Variants in KIAA1549L observed in about 807,000 individuals in gnomAD.
KIAA1549L encodes the protein KIAA1549 like, also known as UPF0606 protein KIAA1549L.
Under a neutral mutation model 160.7 loss-of-function variants are expected in KIAA1549L, and 88 were observed. The ratio of observed to expected loss-of-function variants is 0.55; its 90% CI spans 0.46 to 0.65. The LOEUF is 0.65. Ranked by LOEUF, KIAA1549L falls within the 30% of genes least tolerant of loss-of-function variation. The pLI, the probability that KIAA1549L is intolerant of heterozygous loss-of-function variation, is 0.00. For missense variants in KIAA1549L, 2,258 were observed against 2,437.5 expected (o/e 0.93, Z 1.55); for synonymous variants, 950 against 976.7 (o/e 0.97, Z 0.51).
At chr11:33,576,888 A>T (rs1372589953) in intron 10 of KIAA1549L, among the ~76,000 whole-genome samples, 1 of 152,204 alleles carries the variant, frequency 6.6e-6, no homozygotes, top group Non-Finnish European at 1.5e-5. Flanking sequence ...TGAGATGTCT[A>T]CTAGACATCC....
chr11:33,485,596 G>A (rs986027475), intron 1 of KIAA1549L, among the ~76,000 whole-genome samples: 3 of 151,998 alleles, frequency 2.0e-5, no homozygotes, highest in African/African-American at 7.3e-5. Context: ...ACTAGATAAA[G>A]CTAATTAACA....
chr11:33,407,129 G>C (rs1209078250), intron 1 of KIAA1549L, among the ~76,000 whole-genome samples: 1 of 124,702 alleles, frequency 8.0e-6, no homozygotes, highest in South Asian at 2.4e-4. Flanking sequence ...CTGTCGTCCA[G>C]GCTGGAGTGC....
At chr11:33,411,493 G>C (rs1850784728) in intron 1 of KIAA1549L, among the ~76,000 whole-genome samples, 1 of 152,214 alleles carries the variant, frequency 6.6e-6, no homozygotes, top group African/African-American at 2.4e-5. Context: ...TGAGGCGGTG[G>C]TGGTTATTTT....
chr11:33,564,565 A>G (rs1304725253), intron 8 of KIAA1549L, among the ~76,000 whole-genome samples: 2 of 152,360 alleles, frequency 1.3e-5, no homozygotes, highest in South Asian at 2.1e-4. Flanking sequence ...TGAAGTTTGT[A>G]TATGTGAGGC....
chr11:33,592,410 A>C (rs1319425401), intron 12 of KIAA1549L, among the ~76,000 whole-genome samples: 1 of 152,230 alleles, frequency 6.6e-6, no homozygotes, highest in African/African-American at 2.4e-5. Context: ...CAATAGCCTT[A>C]TAAAGAGGTA....
intron 19 of KIAA1549L, among the ~76,000 whole-genome samples, chr11:33,660,353 G>A (rs1049968884): frequency 3.3e-5 from 5 of 152,106 alleles, no homozygotes; most frequent in Non-Finnish European, 7.4e-5. Flanking sequence ...CGAGGCAGGC[G>A]GATCACAAGG....
At chr11:33,550,693 C>T (rs1854429957) in intron 4 of KIAA1549L, among the ~76,000 whole-genome samples, 1 of 152,110 alleles carries the variant, frequency 6.6e-6, no homozygotes, top group Non-Finnish European at 1.5e-5. Flanking sequence ...GTGATTTTCC[C>T]CAGCATTTCA....
At chr11:33,600,934 G>C (rs1003937622) in intron 13 of KIAA1549L, among the ~76,000 whole-genome samples, 5 of 151,902 alleles carry the variant, frequency 3.3e-5, no homozygotes, top group African/African-American at 1.2e-4. Flanking sequence ...TCCTGACCCC[G>C]TCACTCCCCA....
chr11:33,604,643 C>T (rs1421601167), intron 13 of KIAA1549L, among the ~76,000 whole-genome samples: 3 of 152,168 alleles, frequency 2.0e-5, no homozygotes, highest in Non-Finnish European at 4.4e-5. Flanking sequence ...GAAATAATGT[C>T]TTTTGCAGCA....
intron 10 of KIAA1549L, among the ~76,000 whole-genome samples, chr11:33,579,372 C>T (rs1855560840): frequency 6.6e-6 from 1 of 152,192 alleles, no homozygotes; most frequent in Admixed American, 6.5e-5. Context: ...AAACTCCACA[C>T]AGCTCAAACA....
intron 1 of KIAA1549L, among the ~76,000 whole-genome samples, chr11:33,409,366 A>T (rs1194896478): frequency 6.6e-6 from 1 of 152,198 alleles, no homozygotes; most frequent in Non-Finnish European, 1.5e-5. Context: ...ACAATAACAG[A>T]TGACATTTGC....
intron 1 of KIAA1549L, among the ~76,000 whole-genome samples, chr11:33,437,827 A>C (rs1477212793): frequency 6.6e-6 from 1 of 152,160 alleles, no homozygotes; most frequent in Non-Finnish European, 1.5e-5. Flanking sequence ...TGGGAAGTCA[A>C]CCTGCAGCTC....
chr11:33,403,208 C>CAGACACAGACACACATGG (rs1850538914), intron 1 of KIAA1549L: 3 of 126,574 alleles, frequency 2.4e-5, no homozygotes, highest in African/African-American at 6.1e-5. Flanking sequence ...CAGACACACG[C>CAGACACAGACACACATGG]ACCCACACAT....
chr11:33,622,983 C>A (rs552364708), intron 16 of KIAA1549L, among the ~76,000 whole-genome samples: 1 of 152,176 alleles, frequency 6.6e-6, no homozygotes, highest in Non-Finnish European at 1.5e-5. Flanking sequence ...GGAATTGAAA[C>A]GGTTGTTTTG....
intron 1 of KIAA1549L, among the ~76,000 whole-genome samples, chr11:33,446,475 A>C (rs995986137): frequency 3.3e-5 from 5 of 151,980 alleles, no homozygotes; most frequent in Admixed American, 3.3e-4. Context: ...CTTCCTTTGT[A>C]ACAAATTACC....
At chr11:33,564,198 C>T (rs550171641) in intron 8 of KIAA1549L, among the ~76,000 whole-genome samples, 1 of 152,220 alleles carries the variant, frequency 6.6e-6, no homozygotes, top group African/African-American at 2.4e-5. Context: ...CTTCTGAACC[C>T]CTGGGTAGCC....
chr11:33,522,889 AT>A (rs1157342751), intron 1 of KIAA1549L, among the ~76,000 whole-genome samples: 1 of 124,538 alleles, frequency 8.0e-6, no homozygotes, highest in African/African-American at 3.4e-5. Flanking sequence ...ACAAAGTGAG[AT>A]TCTCTCTCTC....
rs146370000 is a variant in KIAA1549L, at chr11:33,577,088, G to C, written c.4402+2215G>C. 1.5e-4 allele frequency among the ~76,000 whole-genome samples: 23 copies of C among 152,328 alleles called. No homozygotes were observed. The East Asian group carries it at 3.5e-3, about 23-fold the overall frequency. ...TGACCAGGAGCAGCCAGGGAGATGG[G>C]AGGAGAGTGTGGGGTTCAGAATGCA... On this transcript the variant is annotated intron_variant, in intron 10 of 20. Coordinates refer to ENST00000658780, the MANE Select transcript of KIAA1549L (RefSeq NM_012194.3).
rs763299881 is a variant in KIAA1549L, at chr11:33,559,925, T to C, written c.4018+14T>C. ...CCATTGCTGAACGTGAGTATGGCCATGCCTATGGGGACCCCAGTGTTTCCC... is the reference window on the plus strand; with the variant it reads ...CCATTGCTGAACGTGAGTATGGCCACGCCTATGGGGACCCCAGTGTTTCCC... On this transcript the variant is annotated intron_variant, in intron 7 of 20. Coordinates refer to ENST00000658780, the MANE Select transcript of KIAA1549L (RefSeq NM_012194.3). The C allele has an allele frequency of 1.9e-6, 3 of 1,611,254 alleles. No homozygotes were observed. The East Asian group carries it at 6.7e-5, about 36-fold the overall frequency.
Sources: gnomAD v4.1 joint callset for allele counts (sites outside exome capture counted in the v4.1 genomes callset) on GRCh38, gnomAD v4.1.1 for gene constraint, MANE v1.5 for transcripts, NCBI Gene and HGNC (gene_info 2026-07-23, HGNC 2026-07-21) for gene names.